The following DNAH11 variants were observed in gnomAD, a reference collection of about 807,000 sequenced individuals.
DNAH11 encodes axonemal beta dynein heavy chain 11.
DNAH11 carries 442 observed loss-of-function variants against 526.0 expected under a neutral mutation model. That is an observed-to-expected ratio of 0.84 (90% CI 0.78 to 0.91). The LOEUF (loss-of-function observed/expected upper bound fraction) is 0.91. Among genes scored for constraint, DNAH11 ranks in the 40% least tolerant of loss-of-function variants. DNAH11 has a pLI of 0.00. For synonymous variants in DNAH11, 2,461 were observed against 1,935.9 expected, an observed-to-expected ratio of 1.27 and a Z score of -7.12; for missense variants, 6,989 against 5,448.7, an observed-to-expected ratio of 1.28 and a Z score of -8.90.
intron 28 of DNAH11, among the ~76,000 whole-genome samples, chr7:21,644,745 G>C (rs772082655): frequency 1.3e-5 from 2 of 152,218 alleles, no homozygotes; most frequent in African/African-American, 2.4e-5. Context: ...TACAGTGTAA[G>C]AGCAACTCTG....
intron 65 of DNAH11, among the ~76,000 whole-genome samples, chr7:21,822,281 C>T (rs961564346): frequency 3.3e-5 from 5 of 152,018 alleles, no homozygotes; most frequent in African/African-American, 7.3e-5. Flanking sequence ...GGAAGGTAAA[C>T]GGGGAGCAGA....
Position 21,559,014 on chromosome 7 carries a change from A to G in DNAH11, c.692+16A>G, listed in dbSNP as rs1203566996. 3.9e-6 allele frequency: 6 copies of G among 1,555,510 alleles called. No individual in the cohort carries two copies. The highest frequency in any genetic ancestry group is 5.2e-6 in the Non-Finnish European group (6 of 1,148,058). On this transcript the variant is annotated intron_variant, in intron 3 of 81. Transcript: ENST00000409508. ...CAGAGAACAAGTACGTAACAGTACA[A>G]TATATACAGGATATTAAAGTAGAGA... is the stretch of plus-strand genomic sequence containing the variant.
Position 21,864,425 on chromosome 7 carries a change from G to T in DNAH11, c.11374-110G>T, listed in dbSNP as rs1000181528. The stretch of plus-strand genomic sequence containing the variant: ...GAACAGATGTCAAGTGGAGTTCCCA[G>T]CAGGTATGGTTCTGCCTACTCAGTC... On this transcript the variant is annotated intron_variant, in intron 69 of 81. Coordinates refer to ENST00000409508, the MANE Select transcript of DNAH11 (RefSeq NM_001277115.2). The T allele has an allele frequency of 1.8e-4, 178 of 1,001,824 alleles. 1 individual carries two copies. In the African/African-American group the frequency reaches 2.5e-3, roughly 14 times the overall value. The allele number at this position is 1,001,824 out of a possible 1,614,324, so 62.1% of individuals were successfully genotyped here.
intron 48 of DNAH11, 115 bp from the exon 49 acceptor site, chr7:21,741,812 A>G (rs925944514): frequency 8.1e-7 from 1 of 1,236,046 alleles, no homozygotes; most frequent in Non-Finnish European, 1.1e-6. Context: ...GTGGAGCACT[A>G]AAAAGCTACA....
intron 2 of DNAH11, among the ~76,000 whole-genome samples, chr7:21,552,122 A>G (rs11770747): frequency 0.75 from 113,264 of 151,962 alleles, 43,967 homozygotes; most frequent in Non-Finnish European, 0.86. Flanking sequence ...CCAGGTTTGA[A>G]TGAGCACCCC....
intron 65 of DNAH11, among the ~76,000 whole-genome samples, chr7:21,836,022 A>G (rs942886260): frequency 6.6e-6 from 1 of 151,616 alleles, no homozygotes; most frequent in African/African-American, 2.4e-5. Context: ...AAATAAATAA[A>G]AAACCTAAGA....
chr7:21,643,601 G>T (rs913948797), intron 28 of DNAH11, among the ~76,000 whole-genome samples: 1 of 152,126 alleles, frequency 6.6e-6, no homozygotes, highest in African/African-American at 2.4e-5. Flanking sequence ...GTAATGAATT[G>T]CAATTGATTT....
chr7:21,737,110 G>T (rs1338880700), intron 46 of DNAH11, among the ~76,000 whole-genome samples: 1 of 152,184 alleles, frequency 6.6e-6, no homozygotes, highest in Non-Finnish European at 1.5e-5. Context: ...CTTGTAAAGA[G>T]AATTATGATT....
chr7:21,723,865 A>G (rs1400569617), intron 44 of DNAH11, among the ~76,000 whole-genome samples: 1 of 151,996 alleles, frequency 6.6e-6, no homozygotes, highest in African/African-American at 2.4e-5. Context: ...CCTTCCCTGA[A>G]CATCCAATTA....
intron 66 of DNAH11, chr7:21,851,729 G>A (rs1782648167): frequency 2.2e-6 from 1 of 463,894 alleles, no homozygotes; most frequent in Admixed American, 2.4e-5. Context: ...GTGTTCCCGA[G>A]AAGCTGTGAT....
At chr7:21,645,237 T>C (rs987672377) in intron 28 of DNAH11, among the ~76,000 whole-genome samples, 6 of 152,206 alleles carry the variant, frequency 3.9e-5, no homozygotes, top group African/African-American at 1.4e-4. Context: ...TTGATGTCAC[T>C]TGATGAAGGT....
chr7:21,581,202 T>A (rs1365594903), intron 8 of DNAH11, among the ~76,000 whole-genome samples: 1 of 152,188 alleles, frequency 6.6e-6, no homozygotes, highest in Admixed American at 6.6e-5. Context: ...ACCAAAATGT[T>A]TCTGAAATCC....
At chr7:21,604,506 ACACT>A (rs1354840206) in intron 18 of DNAH11, among the ~76,000 whole-genome samples, 1 of 152,040 alleles carries the variant, frequency 6.6e-6, no homozygotes, top group Non-Finnish European at 1.5e-5. Context: ...AAGAGCTCAC[ACACT>A]CACACCATCC....
Position 21,710,698 on chromosome 7 carries a change from A to C in DNAH11, c.6829A>C (p.Asn2277His). ...ATCACTGAATACTGTAATGGATGAT[A>C]ACAAGGTGAATAAAACCTCTGTTCT... ...IESLNTVMDD[N>H]KVLTLASNER... Residue 2277 changes from asparagine to histidine, a missense_variant, in exon 41 of 82, where the codon AAC becomes CAC. By Grantham distance (68) the Asn-to-His change is moderately conservative. Transcript: ENST00000409508. 6.2e-7 allele frequency: 1 copy of C among 1,611,088 alleles called. No individual in the cohort carries two copies.
intron 35 of DNAH11, among the ~76,000 whole-genome samples, chr7:21,694,327 GTC>G (rs1783755566): frequency 6.6e-6 from 1 of 152,012 alleles, no homozygotes; most frequent in African/African-American, 2.4e-5. Flanking sequence ...TTAGGTATTT[GTC>G]CTAATGATCT....
intron 25 of DNAH11, 28 bp downstream of exon 25, chr7:21,620,106 T>C: frequency 6.7e-7 from 1 of 1,496,264 alleles, no homozygotes; most frequent in Non-Finnish European, 9.0e-7. Flanking sequence ...ATTGCATATA[T>C]TTTTCATTTT....
chr7:21,846,415 G>A (rs1387771320), intron 66 of DNAH11, among the ~76,000 whole-genome samples: 19 of 151,972 alleles, frequency 1.3e-4, no homozygotes, highest in Non-Finnish European at 2.4e-4. Flanking sequence ...CTAATTTGCC[G>A]AGAGTTTTTT....
chr7:21,888,176 C>T (rs74832063), intron 76 of DNAH11, among the ~76,000 whole-genome samples: 1,638 of 152,278 alleles, frequency 0.011, 16 homozygotes, highest in South Asian at 0.023. Flanking sequence ...CCTTTTCATT[C>T]TCAAGACACC....
intron 14 of DNAH11, among the ~76,000 whole-genome samples, chr7:21,597,723 G>A (rs182926696): frequency 1.4e-4 from 22 of 152,276 alleles, no homozygotes; most frequent in Admixed American, 3.9e-4. Flanking sequence ...CCCAACACAT[G>A]GAGATTACAA....
Sources: allele counts gnomAD v4.1 joint callset (sites outside exome capture counted in the v4.1 genomes callset), GRCh38; gene constraint gnomAD v4.1.1; transcripts MANE v1.5; gene names NCBI Gene and HGNC (gene_info 2026-07-23, HGNC 2026-07-21).